The following IPO7 variants were observed in gnomAD, a reference collection of about 807,000 sequenced individuals.
IPO7 encodes the protein importin-7.
A neutral mutation model predicts 136.4 loss-of-function variants in IPO7; 13 were observed. The ratio of observed to expected loss-of-function variants is 0.10; its 90% CI spans 0.06 to 0.15. IPO7 has a LOEUF of 0.15. Among genes scored for constraint, IPO7 ranks in the 10% least tolerant of loss-of-function variants. The pLI, the probability that IPO7 is intolerant of heterozygous loss-of-function variation, is 1.00. For synonymous variants in IPO7, 403 were observed against 404.4 expected (o/e 1.00, Z 0.04); for missense variants, 857 against 1,240.6 (o/e 0.69, Z 4.65).
intron 4 of IPO7, among the ~76,000 whole-genome samples, chr11:9,410,972 A>T (rs1462826861): frequency 6.6e-6 from 1 of 152,138 alleles, no homozygotes. Context: ...TGCTGCTTTT[A>T]TTCTCTGAGC....
chr11:9,415,093 G>A (rs375195198), intron 5 of IPO7, among the ~76,000 whole-genome samples: 5 of 151,800 alleles, frequency 3.3e-5, no homozygotes, highest in East Asian at 1.9e-4. Context: ...TGTGGTGGGC[G>A]CATCACCTGA....
intron 9 of IPO7, among the ~76,000 whole-genome samples, chr11:9,423,422 G>T (rs1855161386): frequency 6.6e-6 from 1 of 152,102 alleles, no homozygotes; most frequent in South Asian, 2.1e-4. Context: ...CATGTAATTT[G>T]GAGTAGCCAA....
chr11:9,440,375 C>T, intron 22 of IPO7, 80 bp from the exon 23 acceptor site: 1 of 1,105,672 alleles, frequency 9.0e-7, no homozygotes, highest in East Asian at 2.4e-5. Flanking sequence ...AATTTACTGA[C>T]AGTGATTGAG....
chr11:9,392,290 G>C (rs1854646715), intron 1 of IPO7: 1 of 318,118 alleles, frequency 3.1e-6, no homozygotes, highest in African/African-American at 2.4e-5. Flanking sequence ...CAATTCTCCT[G>C]CCTCAGCCTC....
intron 16 of IPO7, among the ~76,000 whole-genome samples, chr11:9,431,776 C>G (rs1855297586): frequency 6.6e-6 from 1 of 152,050 alleles, no homozygotes; most frequent in Non-Finnish European, 1.5e-5. Flanking sequence ...GAGTTCGAGA[C>G]CAGCCTAGCC....
At position 9,389,726 on chromosome 11, in the gene IPO7, G is replaced by A. The variant is rs140611705; in HGVS notation, c.84+4879G>A. Among the ~76,000 whole-genome samples, 20 of 152,004 alleles carry A rather than the reference G, an allele frequency of 1.3e-4. No individual in the cohort carries two copies. The East Asian group carries it at 3.9e-3, about 29-fold the overall frequency. ...AGACATTTAAACTCTTAGTTCCTAA[G>A]CTCAATATGGTATATAATGGTTATA... On this transcript the variant is annotated intron_variant, in intron 1 of 24. Coordinates refer to ENST00000379719, the MANE Select transcript of IPO7 (RefSeq NM_006391.3).
At chr11:9,391,644 C>T (rs1394478142) in intron 1 of IPO7, among the ~76,000 whole-genome samples, 4 of 152,072 alleles carry the variant, frequency 2.6e-5, no homozygotes, top group East Asian at 1.9e-4. Context: ...GCAGAGCTTG[C>T]GGTGAGCAGA....
chr11:9,424,790 C>A, intron 10 of IPO7, 124 bp from the exon 11 acceptor site: 1 of 661,552 alleles, frequency 1.5e-6, no homozygotes, highest in Non-Finnish European at 2.6e-6. Context: ...TTGAATTCTG[C>A]TTTTGCAAAA....
chr11:9,438,324 C>A, intron 22 of IPO7, 39 bp downstream of exon 22: 1 of 1,280,724 alleles, frequency 7.8e-7, no homozygotes, highest in Non-Finnish European at 1.1e-6. Flanking sequence ...AACTTATCTA[C>A]TTAGAAATAT....
At chr11:9,412,475 T>A (rs1418479118) in intron 4 of IPO7, among the ~76,000 whole-genome samples, 1 of 152,204 alleles carries the variant, frequency 6.6e-6, no homozygotes, top group Non-Finnish European at 1.5e-5. Context: ...ATTTCTATAA[T>A]CAGTAATCTG....
At chr11:9,420,819 C>G (rs1443370952) in intron 8 of IPO7, 121 bp downstream of exon 8, 3 of 658,122 alleles carry the variant, frequency 4.6e-6, no homozygotes, top group Non-Finnish European at 5.3e-6. Flanking sequence ...TACCAGGTCT[C>G]AAACATTTTT....
chr11:9,420,084 G>A (rs1051020979), intron 6 of IPO7, among the ~76,000 whole-genome samples: 3 of 152,190 alleles, frequency 2.0e-5, no homozygotes, highest in Non-Finnish European at 4.4e-5. Context: ...AGCACTTTGG[G>A]AGGCGGAGGC....
chr11:9,409,846 A>C (rs1854943942), intron 3 of IPO7, 82 bp from the exon 4 acceptor site: 1 of 1,015,856 alleles, frequency 9.8e-7, no homozygotes, highest in Non-Finnish European at 1.4e-6. Context: ...GATTTTGTCT[A>C]AACAGCTATT....
intron 22 of IPO7, among the ~76,000 whole-genome samples, chr11:9,439,356 T>C (rs1319582447): frequency 2.0e-5 from 3 of 152,084 alleles, no homozygotes; most frequent in Non-Finnish European, 4.4e-5. Flanking sequence ...CCTCAGATGA[T>C]CCACCCTCCT....
chr11:9,438,302 G>A lies in IPO7; in HGVS notation c.2695+17G>A, dbSNP rs1189405819. ...ATGAAACCGGTAAGGGATTTTCAAT[G>A]GAAGAAGACAAAACTTATCTACTTA... On this transcript the variant is annotated intron_variant, in intron 22 of 24. Coordinates refer to ENST00000379719, the MANE Select transcript of IPO7 (RefSeq NM_006391.3). The A allele has an allele frequency of 2.1e-6, 3 of 1,426,000 alleles. No individual in the cohort carries two copies. In the South Asian group the frequency reaches 3.4e-5, roughly 16 times the overall value. 88.3% of individuals were successfully genotyped at this position (1,426,000 alleles called of 1,614,324 possible). A position where few individuals can be genotyped will look rare whatever the true frequency, so the allele number is the denominator to read the frequency against.
chr11:9,439,798 C>A (rs1855435871), intron 22 of IPO7, among the ~76,000 whole-genome samples: 1 of 152,106 alleles, frequency 6.6e-6, no homozygotes, highest in Admixed American at 6.6e-5. Flanking sequence ...TGGTCTCAAT[C>A]TCCTGACCTC....
Position 9,440,553 on chromosome 11 carries a change from T to C in IPO7, c.2794T>C (p.Trp932Arg). ...QAGEDGDDED[W>R]EEDDAEETAL... The stretch of plus-strand genomic sequence containing the variant: ...TGGTGAAGATGGAGATGATGAAGAT[T>C]GGGAAGAAGATGATGCTGAAGAGAC... Residue 932 changes from tryptophan to arginine, a missense_variant, in exon 23 of 25, where the codon TGG (tryptophan) becomes CGG (arginine). This residue lies in a region of IPO7 where 119 missense variants were observed against 155.5 expected (regional missense o/e 0.77). Transcript: ENST00000379719. 1 of 1,613,988 alleles carries C rather than the reference T, an allele frequency of 6.2e-7. No individual in the cohort carries two copies. Among genetic ancestry groups the C allele is most frequent in the South Asian group, 1.1e-5 (1 of 91,074 alleles).
Position 9,417,574 on chromosome 11 carries a change from A to G in IPO7, c.726+426A>G, listed in dbSNP as rs189027641. On this transcript the variant is annotated intron_variant, in intron 6 of 24. Transcript: ENST00000379719. ...TTCTTAATAACTCTATTGAGAAATA[A>G]CTCACATACAGTAAAATTTATTCTT... is the stretch of plus-strand genomic sequence containing the variant. 3.1e-3 allele frequency among the ~76,000 whole-genome samples: 474 copies of G among 152,194 alleles called. 3 individuals are homozygous for G. Among genetic ancestry groups the G allele is most frequent in the Non-Finnish European group, 4.7e-3 (323 of 68,012 alleles).
At position 9,447,572 on chromosome 11, in the gene IPO7, G is replaced by A. The variant is rs1174419599; in HGVS notation, c.*2378G>A. ...TTGAATGTATTTACAATATTCTCTT[G>A]TAATTAGCTACATAGGGACTTGTCT... On this transcript the variant is annotated 3_prime_UTR_variant, in exon 25 of 25. Coordinates refer to ENST00000379719, the MANE Select transcript of IPO7 (RefSeq NM_006391.3). 1 of 152,080 alleles carries A rather than the reference G, an allele frequency of 6.6e-6. No homozygotes were observed. Among genetic ancestry groups the A allele is most frequent in the Non-Finnish European group, 1.5e-5 (1 of 68,012 alleles). 9.4% of individuals were successfully genotyped at this position (152,080 alleles called of 1,614,324 possible).
Sources: gnomAD v4.1 joint callset for allele counts (sites outside exome capture counted in the v4.1 genomes callset) on GRCh38, gnomAD v4.1.1 for gene constraint, gnomAD v4.1.1 regional missense constraint, MANE v1.5 for transcripts, NCBI Gene and HGNC (gene_info 2026-07-23, HGNC 2026-07-21) for gene names.